Variants in SLC35F5 observed in about 807,000 individuals in gnomAD.
The protein encoded by SLC35F5 is HCV NS5A-transactivated protein 3.
A neutral mutation model predicts 68.6 loss-of-function variants in SLC35F5; 54 were observed. The observed-to-expected ratio is 0.79, with a 90% CI of 0.63 to 0.99. The LOEUF is 0.99. SLC35F5 is among the 50% of genes least tolerant of loss of function. SLC35F5 has a pLI of 0.00. For missense variants in SLC35F5, 567 were observed against 626.9 expected (o/e 0.90, Z 1.02); for synonymous variants, 211 against 205.2 (o/e 1.03, Z -0.24).
intron 7 of SLC35F5, among the ~76,000 whole-genome samples, chr2:113,737,643 T>C (rs988047417): frequency 1.3e-5 from 2 of 152,210 alleles, no homozygotes; most frequent in Non-Finnish European, 2.9e-5. Context: ...CACTGGTCCA[T>C]GCTAATGCAA....
intron 5 of SLC35F5, 110 bp downstream of exon 5, chr2:113,746,167 G>A (rs1171285257): frequency 1.2e-6 from 1 of 802,878 alleles, no homozygotes; most frequent in Non-Finnish European, 2.1e-6. Flanking sequence ...ACCCAATATT[G>A]AGCCATATCT....
intron 3 of SLC35F5, among the ~76,000 whole-genome samples, chr2:113,751,567 T>C (rs1676740352): frequency 6.6e-6 from 1 of 152,106 alleles, no homozygotes; most frequent in Non-Finnish European, 1.5e-5. Context: ...CCCAGCACTT[T>C]GGGAGGCCGA....
chr2:113,743,696 T>A lies in SLC35F5; in HGVS notation c.562+17A>T, dbSNP rs772691747. ...GAATAAAGGTAAACTTTCTACCCAT[T>A]TCCAAGTTTTGCTTACTTTTTTCAG... On this transcript the variant is annotated intron_variant, in intron 6 of 15. Transcript: ENST00000245680. The A allele has an allele frequency of 6.2e-7, 1 of 1,603,072 alleles. No homozygotes were observed.
chr2:113,704,695 CCGAGTG>C (rs1221161375), downstream of SLC35F5, among the ~76,000 whole-genome samples: 1 of 151,722 alleles, frequency 6.6e-6, no homozygotes, highest in Non-Finnish European at 1.5e-5. Flanking sequence ...GCCGGCCGCT[CCGAGTG>C]CGGGGCCCGC....
chr2:113,722,551 C>T (rs1317997635), intron 13 of SLC35F5, among the ~76,000 whole-genome samples: 5 of 152,228 alleles, frequency 3.3e-5, no homozygotes, highest in African/African-American at 1.2e-4. Context: ...ACTGAATAAA[C>T]TCTTCCCTTC....
chr2:113,730,552 A>G (rs1687841893), intron 10 of SLC35F5, among the ~76,000 whole-genome samples: 1 of 152,202 alleles, frequency 6.6e-6, no homozygotes, highest in Non-Finnish European at 1.5e-5. Context: ...GCATTGTTCT[A>G]TTCAATAAAC....
At chr2:113,704,790 C>G (rs1041786963), downstream of SLC35F5, among the ~76,000 whole-genome samples, 1 of 152,106 alleles carries the variant, frequency 6.6e-6, no homozygotes. Context: ...GCCTCTCCCT[C>G]CACACCTCCC....
At chr2:113,704,256 A>C (rs529870610), downstream of SLC35F5, among the ~76,000 whole-genome samples, 1 of 152,254 alleles carries the variant, frequency 6.6e-6, no homozygotes, top group East Asian at 1.9e-4. Context: ...ACAGAGAGCG[A>C]GTGGTCTGTT....
intron 3 of SLC35F5, among the ~76,000 whole-genome samples, chr2:113,754,118 C>T (rs922733749): frequency 3.3e-5 from 5 of 151,776 alleles, no homozygotes; most frequent in East Asian, 1.9e-4. Context: ...GGTGAAACCC[C>T]GTCTCTACTA....
In SLC35F5 at chr2:113,742,791, G is replaced by A. The variant is rs780007377; in HGVS notation, c.651C>T (p.Arg217=). ...CTTGTTCTTTCACAGGATATGACAT[G>A]CGAGACAACTTTGCTTCCAATGCAT... ...SSHALEAKLS[R]MSYPVKEQES... The change falls in exon 7 of 16, where the codon CGC becomes CGT. Residue 217 remains arginine (R), a synonymous_variant. Coordinates refer to ENST00000245680, the MANE Select transcript of SLC35F5 (RefSeq NM_025181.5). 3.9e-5 allele frequency: 63 copies of A among 1,614,102 alleles called. No individual in the cohort carries two copies. In the East Asian group the frequency reaches 1.4e-3, roughly 35 times the overall value.
intron 4 of SLC35F5, 68 bp from the exon 5 acceptor site, chr2:113,746,407 A>C: frequency 7.8e-7 from 1 of 1,275,466 alleles, no homozygotes; most frequent in Non-Finnish European, 1.1e-6. Flanking sequence ...AGTCAGACGT[A>C]ACTCAGATAA....
intron 6 of SLC35F5, 123 bp downstream of exon 6, chr2:113,743,590 T>C (rs934641053): frequency 4.3e-5 from 27 of 633,792 alleles, no homozygotes; most frequent in Middle Eastern, 2.6e-4. Context: ...TAGAAGACTA[T>C]AGGCTGAGTC....
chr2:113,745,435 C>T (rs1322171260), intron 5 of SLC35F5, among the ~76,000 whole-genome samples: 1 of 151,984 alleles, frequency 6.6e-6, no homozygotes, highest in East Asian at 1.9e-4. Flanking sequence ...AGATAAAATG[C>T]CATGTTTGGA....
chr2:113,742,785 T>G lies in SLC35F5; in HGVS notation c.657A>C (p.Ser219=). 1 of 1,614,172 alleles carries G rather than the reference T, an allele frequency of 6.2e-7. No homozygotes were observed. The highest frequency in any genetic ancestry group is 8.5e-7 in the Non-Finnish European group (1 of 1,180,014). Residue 219 remains serine (S), a synonymous_variant, in exon 7 of 16, where the codon TCA becomes TCC. Coordinates refer to ENST00000245680, the MANE Select transcript of SLC35F5 (RefSeq NM_025181.5). ...TGGATTCTTGTTCTTTCACAGGATA[T>G]GACATGCGAGACAACTTTGCTTCCA... The part of the protein sequence containing the change: ...HALEAKLSRM[S]YPVKEQESIL...
chr2:113,744,116 C>A (rs969880822), intron 5 of SLC35F5, among the ~76,000 whole-genome samples: 1 of 152,170 alleles, frequency 6.6e-6, no homozygotes, highest in Admixed American at 6.5e-5. Context: ...TCTCTCATTC[C>A]TTTTCATTCA....
intron 4 of SLC35F5, among the ~76,000 whole-genome samples, chr2:113,747,856 C>T (rs1676566740): frequency 6.6e-6 from 1 of 152,196 alleles, no homozygotes; most frequent in African/African-American, 2.4e-5. Flanking sequence ...CTCTGGGAGG[C>T]CGAGAGGGGT....
intron 5 of SLC35F5, among the ~76,000 whole-genome samples, chr2:113,744,683 G>A (rs748660912): frequency 2.6e-5 from 4 of 152,106 alleles, no homozygotes; most frequent in Non-Finnish European, 4.4e-5. Flanking sequence ...ACCAGGAGAC[G>A]GAGGTTGTGC....
Position 113,756,373 on chromosome 2 carries a change from G to T in SLC35F5, c.37C>A (p.Pro13Thr). The T allele has an allele frequency of 6.4e-7, 1 of 1,571,172 alleles. No individual in the cohort carries two copies. Among genetic ancestry groups the T allele is most frequent in the Admixed American group, 1.8e-5 (1 of 54,610 alleles). ...GGGCCCTTCCCTGCCTGCCTACCTG[G>T]CCTTCCTGCCCCGCGATGGCGTCGT... is the stretch of plus-strand genomic sequence containing the variant. ...PPRRHRGAGR[P>T]GVLSSSPPFR... The change falls in exon 1 of 16, where the codon CCA (proline) becomes ACA (threonine). Residue 13 changes from proline (P) to threonine (T), a missense_variant. By Grantham distance (38) the Pro-to-Thr change is conservative. Transcript: ENST00000245680.
intron 4 of SLC35F5, among the ~76,000 whole-genome samples, chr2:113,750,213 G>C (rs754119576): frequency 6.6e-6 from 1 of 152,196 alleles, no homozygotes; most frequent in East Asian, 1.9e-4. Context: ...AAATGTCATG[G>C]AGTAAGAGTT....
Sources: gnomAD v4.1 joint callset for allele counts (sites outside exome capture counted in the v4.1 genomes callset) on GRCh38, gnomAD v4.1.1 for gene constraint, MANE v1.5 for transcripts, NCBI Gene and HGNC (gene_info 2026-07-23, HGNC 2026-07-21) for gene names.